The following ADGRA3 variants were observed in gnomAD, a reference collection of about 807,000 sequenced individuals.
ADGRA3 encodes the protein G-protein coupled receptor 125.
In ADGRA3, 56 loss-of-function variants were observed where a neutral mutation model predicts 119.8. The observed-to-expected ratio is 0.47, with a 90% confidence interval of 0.38 to 0.58. ADGRA3 has a LOEUF of 0.58. ADGRA3 is among the 20% of genes least tolerant of loss of function. The pLI, the probability that ADGRA3 is intolerant of heterozygous loss-of-function variation, is 0.00. For missense variants in ADGRA3, 1,516 were observed against 1,649.0 expected (o/e 0.92, Z 1.40); for synonymous variants, 607 against 623.8 (o/e 0.97, Z 0.40).
chr4:22,411,779 C>A (rs200270181), intron 14 of ADGRA3, among the ~76,000 whole-genome samples: 1 of 151,936 alleles, frequency 6.6e-6, no homozygotes, highest in Non-Finnish European at 1.5e-5. Context: ...TACAAATATA[C>A]AAATATAGCC....
At chr4:22,436,333 A>C in intron 9 of ADGRA3, 107 bp downstream of exon 9, 1 of 796,792 alleles carries the variant, frequency 1.3e-6, no homozygotes, top group Non-Finnish European at 2.0e-6. Context: ...AAAACACAAA[A>C]TCCTTATGTT....
chr4:22,455,450 A>G (rs949891363), intron 3 of ADGRA3, among the ~76,000 whole-genome samples: 2 of 151,702 alleles, frequency 1.3e-5, no homozygotes, highest in Non-Finnish European at 2.9e-5. Flanking sequence ...AGTTTCAACT[A>G]TAATGAAAAA....
chr4:22,462,047 T>C (rs1383066141), intron 2 of ADGRA3, among the ~76,000 whole-genome samples: 1 of 152,156 alleles, frequency 6.6e-6, no homozygotes, highest in Non-Finnish European at 1.5e-5. Context: ...ATATACGTCA[T>C]AAAAGAAATA....
chr4:22,512,098 A>C (rs1252063233), intron 1 of ADGRA3, among the ~76,000 whole-genome samples: 2 of 151,688 alleles, frequency 1.3e-5, no homozygotes, highest in Non-Finnish European at 2.9e-5. Flanking sequence ...ATGGGGTTTC[A>C]TCATGTTGGT....
At chr4:22,472,090 A>G (rs1426071135) in intron 2 of ADGRA3, among the ~76,000 whole-genome samples, 1 of 152,102 alleles carries the variant, frequency 6.6e-6, no homozygotes, top group Non-Finnish European at 1.5e-5. Flanking sequence ...CACAACAGAC[A>G]CTATTTATAA....
chr4:22,448,925 G>A (rs1716924669), intron 4 of ADGRA3, among the ~76,000 whole-genome samples: 1 of 152,150 alleles, frequency 6.6e-6, no homozygotes, highest in Admixed American at 6.5e-5. Flanking sequence ...TGAGAAAGGT[G>A]TGCCCATGGC....
rs150888668 is a variant in ADGRA3 at position 22,442,844 on chromosome 4, C to T, written c.726G>A (p.Pro242=). 1.8e-4 allele frequency: 288 copies of T among 1,612,548 alleles called. 2 individuals are homozygous for T. The highest frequency in any genetic ancestry group is 1.1e-3 in the African/African-American group (80 of 74,972). Residue 242 remains proline, a synonymous_variant, in exon 7 of 19, where the codon CCG becomes CCA. Coordinates refer to ENST00000334304, the MANE Select transcript of ADGRA3 (RefSeq NM_145290.4). The part of the protein sequence containing the change: ...LLTCDPPLEL[P]SFYMTPSHRQ... ...GATGAGATGGAGTCATGTAGAAAGA[C>T]GGCAATTCAAGCGGAGGGTCTAGAG... is the stretch of plus-strand genomic sequence containing the variant.
intron 1 of ADGRA3, among the ~76,000 whole-genome samples, chr4:22,484,656 A>T (rs1177212744): frequency 1.4e-5 from 2 of 141,964 alleles, no homozygotes; most frequent in Admixed American, 1.4e-4. Flanking sequence ...GATACCATGC[A>T]GAATACAAAT....
At chr4:22,435,771 A>G (rs1019997273) in intron 9 of ADGRA3, among the ~76,000 whole-genome samples, 7 of 152,150 alleles carry the variant, frequency 4.6e-5, no homozygotes, top group Non-Finnish European at 8.8e-5. Context: ...CTCAACTCCA[A>G]TTGCTTAATA....
intron 1 of ADGRA3, among the ~76,000 whole-genome samples, chr4:22,509,792 C>T (rs1035152644): frequency 4.6e-5 from 7 of 151,972 alleles, no homozygotes; most frequent in South Asian, 2.1e-4. Context: ...GGGCGGATCA[C>T]GAGGTCAGGA....
At chr4:22,426,748 C>G (rs952844324) in intron 10 of ADGRA3, among the ~76,000 whole-genome samples, 10 of 152,102 alleles carry the variant, frequency 6.6e-5, no homozygotes, top group African/African-American at 2.4e-4. Flanking sequence ...TACTTCCCCC[C>G]AAACCGAAGA....
intron 5 of ADGRA3, among the ~76,000 whole-genome samples, chr4:22,447,166 G>GA (rs1309623796): frequency 1.3e-5 from 2 of 151,260 alleles, no homozygotes; most frequent in Non-Finnish European, 2.9e-5. Context: ...TTTATGATTT[G>GA]AAAAAAAAGT....
chr4:22,414,692 T>C, intron 12 of ADGRA3: 1 of 654,900 alleles, frequency 1.5e-6, no homozygotes, highest in Non-Finnish European at 2.7e-6. Flanking sequence ...AATCCTAAGT[T>C]CACCATATAA....
Position 22,387,504 on chromosome 4 carries a change from T to C in ADGRA3, c.*201A>G. 1 of 490,702 alleles carries C rather than the reference T, an allele frequency of 2.0e-6. No individual in the cohort carries two copies. Among genetic ancestry groups the C allele is most frequent in the Non-Finnish European group, 3.6e-6 (1 of 280,498 alleles). The allele number at this position is 490,702 out of a possible 1,614,324, so 30.4% of individuals were successfully genotyped here. On this transcript the variant is annotated 3_prime_UTR_variant, in exon 19 of 19. Transcript: ENST00000334304. ...GTTGGTGCTTTGACAACTAAAACAA[T>C]GTTTTAGAAAGATTTTGTTTCAGAT...
chr4:22,462,691 T>C (rs140192185), intron 2 of ADGRA3, among the ~76,000 whole-genome samples: 1 of 152,204 alleles, frequency 6.6e-6, no homozygotes, highest in Admixed American at 6.5e-5. Flanking sequence ...AAAGCAAAGA[T>C]GCACAAGCTT....
chr4:22,495,523 A>C (rs1718785826), intron 1 of ADGRA3, among the ~76,000 whole-genome samples: 1 of 152,098 alleles, frequency 6.6e-6, no homozygotes, highest in Non-Finnish European at 1.5e-5. Flanking sequence ...ACAAAAAAGG[A>C]AAACAAACAA....
At chr4:22,507,008 C>A (rs1324669691) in intron 1 of ADGRA3, among the ~76,000 whole-genome samples, 2 of 151,856 alleles carry the variant, frequency 1.3e-5, no homozygotes, top group Non-Finnish European at 2.9e-5. Flanking sequence ...GAGGTCAAGG[C>A]GGGCGGATCA....
intron 8 of ADGRA3, 107 bp downstream of exon 8, chr4:22,438,149 C>T: frequency 2.6e-6 from 2 of 781,744 alleles, no homozygotes; most frequent in Non-Finnish European, 4.3e-6. Context: ...CAGACATGTG[C>T]AGTTCTCAAA....
In ADGRA3 at chr4:22,387,633, T is replaced by G. The variant is rs1577315458; in HGVS notation, c.*72A>C. The G allele has an allele frequency of 6.9e-7, 1 of 1,440,918 alleles. No individual in the cohort carries two copies. Among genetic ancestry groups the G allele is most frequent in the Non-Finnish European group, 9.3e-7 (1 of 1,073,416 alleles). The allele number at this position is 1,440,918 out of a possible 1,614,324, so 89.3% of individuals were successfully genotyped here. On this transcript the variant is annotated 3_prime_UTR_variant, in exon 19 of 19. Coordinates refer to ENST00000334304, the MANE Select transcript of ADGRA3 (RefSeq NM_145290.4). The stretch of plus-strand genomic sequence containing the variant: ...CCCTATGGTGGCTGTAAACAGTTTT[T>G]AAATGCTCATAGCTTCAAGGAATGT...
Sources: gnomAD v4.1 joint callset for allele counts (sites outside exome capture counted in the v4.1 genomes callset) on GRCh38, gnomAD v4.1.1 for gene constraint, MANE v1.5 for transcripts, NCBI Gene and HGNC (gene_info 2026-07-23, HGNC 2026-07-21) for gene names.